The following RYR1 variants were observed in gnomAD, a reference collection of about 807,000 sequenced individuals.
The protein encoded by RYR1 is ryanodine receptor 1, also known as central core disease of muscle.
Under a neutral mutation model 583.5 loss-of-function variants are expected in RYR1, and 342 were observed. The observed-to-expected ratio is 0.59, with a 90% CI of 0.54 to 0.64. The LOEUF (loss-of-function observed/expected upper bound fraction) is 0.64. Ranked by LOEUF, RYR1 falls within the 30% of genes least tolerant of loss-of-function variation. The pLI is 0.00. For missense variants in RYR1, 6,032 were observed against 6,917.2 expected (o/e 0.87, Z 4.54); for synonymous variants, 2,791 against 2,822.5 (o/e 0.99, Z 0.35).
Position 38,582,881 on chromosome 19 carries a change from CCTGACAT to C in RYR1, c.14647-2057_14647-2051del, listed in dbSNP as rs1417889871. On this transcript the variant is annotated intron_variant, in intron 101 of 105. Coordinates refer to ENST00000359596, the MANE Select transcript of RYR1 (RefSeq NM_000540.3). Reference sequence around the variant, plus strand: ...CTCAGGACAAAGTCCAGCTCCTCAACCTGACATCTGAGGCTCTTCCAGACACGGCCTC... The same window carrying C: ...CTCAGGACAAAGTCCAGCTCCTCAACCTGAGGCTCTTCCAGACACGGCCTC... 2.0e-5 allele frequency among the ~76,000 whole-genome samples: 3 copies of C among 152,292 alleles called. No individual in the cohort carries two copies. In the East Asian group the frequency reaches 5.8e-4, roughly 29 times the overall value.
chr19:38,448,543 T>C lies in RYR1; in HGVS notation c.957+32T>C, dbSNP rs755711129. Reference sequence around the variant, plus strand: ...GGGGTTTGTGGCGCCCTCCCTCACCTGAAGCCCCCAGTCCCAGCCCAGCCT... The same window carrying C: ...GGGGTTTGTGGCGCCCTCCCTCACCCGAAGCCCCCAGTCCCAGCCCAGCCT... On this transcript the variant is annotated intron_variant, in intron 10 of 105. Coordinates refer to ENST00000359596, the MANE Select transcript of RYR1 (RefSeq NM_000540.3). 4 of 1,614,010 alleles carry C rather than the reference T, an allele frequency of 2.5e-6. No individual in the cohort carries two copies. In the East Asian group the frequency reaches 6.7e-5, roughly 27 times the overall value.
In RYR1 at chr19:38,444,230, T is replaced by C; in HGVS notation, c.506T>C (p.Ile169Thr). Reference protein sequence around the residue: ...GEKVRVGDDIILVSVSSERYL... With the variant: ...GEKVRVGDDITLVSVSSERYL... ...AAGGTCCGCGTTGGGGATGACATCA[T>C]CCTTGTCAGTGTCTCCTCCGAGCGC... The change falls in exon 6 of 106, where the codon ATC becomes ACC. Residue 169 changes from isoleucine to threonine, a missense_variant. By Grantham distance (89) the Ile-to-Thr change is moderately conservative. This residue lies in a region of RYR1 where 338 missense variants were observed against 441.6 expected (regional missense o/e 0.77). Coordinates refer to ENST00000359596, the MANE Select transcript of RYR1 (RefSeq NM_000540.3). The surrounding 1 kb of genome is among the most constrained non-coding windows in gnomAD (Gnocchi z 5.1). The C allele has an allele frequency of 6.2e-7, 1 of 1,614,022 alleles. No homozygotes were observed. The highest frequency in any genetic ancestry group is 8.5e-7 in the Non-Finnish European group (1 of 1,179,958).
At chr19:38,513,037 G>A (rs1218335366) in intron 63 of RYR1, among the ~76,000 whole-genome samples, 5 of 151,536 alleles carry the variant, frequency 3.3e-5, no homozygotes, top group African/African-American at 9.7e-5. Flanking sequence ...ATTGATAAAG[G>A]TTAGGAAAAG....
chr19:38,521,505 C>G (rs1323591178), intron 67 of RYR1, among the ~76,000 whole-genome samples: 1 of 151,372 alleles, frequency 6.6e-6, no homozygotes, highest in Non-Finnish European at 1.5e-5. Context: ...GGGCAACATG[C>G]AAAAACCCTG....
chr19:38,528,723 G>A (rs1251701329), intron 75 of RYR1, 28 bp downstream of exon 75: 3 of 1,610,898 alleles, frequency 1.9e-6, no homozygotes, highest in Non-Finnish European at 2.5e-6. Context: ...TGGGGGAGTG[G>A]GGGGCGAGCT....
chr19:38,448,222 T>C, intron 9 of RYR1, 133 bp from the exon 10 acceptor site: 1 of 1,016,114 alleles, frequency 9.8e-7, no homozygotes, highest in Non-Finnish European at 1.4e-6. Context: ...GCTTGAGCCC[T>C]GGAGTTCAAG....
intron 34 of RYR1, 31 bp downstream of exon 34, chr19:38,486,233 C>T (rs746050949): frequency 2.5e-6 from 4 of 1,612,444 alleles, no homozygotes; most frequent in Non-Finnish European, 3.4e-6. Context: ...TCCTCTGTCC[C>T]ATTCTTCTCC....
In RYR1 at chr19:38,485,956, C is replaced by T. The variant is rs1315366741; in HGVS notation, c.5301C>T (p.Val1767=). ...GGCATGGCCTGCCGGGAGTTGGAGT[C>T]ACCACTTCGCTGAGGCCCCCGCATC... ...HPRHGLPGVG[V]TTSLRPPHHF... is the part of the protein sequence containing the mutation. The change falls in exon 34 of 106, where the codon GTC becomes GTT. Residue 1767 remains valine, a synonymous_variant. Transcript: ENST00000359596. 7 of 1,613,726 alleles carry T rather than the reference C, an allele frequency of 4.3e-6. No individual in the cohort carries two copies. The South Asian group carries it at 7.7e-5, about 18-fold the overall frequency.
intron 64 of RYR1, among the ~76,000 whole-genome samples, chr19:38,515,720 G>C (rs535573576): frequency 2.4e-4 from 36 of 152,114 alleles, no homozygotes; most frequent in Non-Finnish European, 4.1e-4. Flanking sequence ...CTGAGATGGG[G>C]GGATCGCTTG....
chr19:38,536,002 T>C lies in RYR1; in HGVS notation c.11522T>C (p.Leu3841Pro). 6.2e-7 allele frequency: 1 copy of C among 1,613,808 alleles called. No homozygotes were observed. The highest frequency in any genetic ancestry group is 8.5e-7 in the Non-Finnish European group (1 of 1,179,942). ...CTTTCCTTTCTTTTCCTCAGCGTCCTGGATCTCAATGCCTTTGAGAGACAG... is the reference window on the plus strand; with the variant it reads ...CTTTCCTTTCTTTTCCTCAGCGTCCCGGATCTCAATGCCTTTGAGAGACAG... ...IQALMQTCSV[L>P]DLNAFERQNK... The change falls in exon 82 of 106, where the codon CTG (leucine) becomes CCG (proline). Residue 3841 changes from leucine (L) to proline (P), a missense_variant. Transcript: ENST00000359596.
chr19:38,572,157 G>A lies in RYR1; in HGVS notation c.13885G>A (p.Val4629Met), dbSNP rs752668333. 1.2e-6 allele frequency: 2 copies of A among 1,614,190 alleles called. No homozygotes were observed. The highest frequency in any genetic ancestry group is 8.5e-7 in the Non-Finnish European group (1 of 1,180,032). The change falls in exon 95 of 106, where the codon GTG (valine) becomes ATG (methionine). Residue 4629 changes from valine (V) to methionine (M), a missense_variant. Coordinates refer to ENST00000359596, the MANE Select transcript of RYR1 (RefSeq NM_000540.3). ...EAEGDEDENM[V>M]YYFLEESTGY... ...AGAGGGCGATGAGGATGAGAACATGGTGTACTACTTCCTGGAGGAAAGCAC... is the reference window on the plus strand; with the variant it reads ...AGAGGGCGATGAGGATGAGAACATGATGTACTACTTCCTGGAGGAAAGCAC...
At position 38,433,753 on chromosome 19, in the gene RYR1, C is replaced by A; in HGVS notation, c.-77C>A. The stretch of plus-strand genomic sequence containing the variant: ...CAGAGGTCTCCGACCCCAGCCCGCC[C>A]CCAGCCCTCCCGCCCAGCCCGCAGC... On this transcript the variant is annotated 5_prime_UTR_variant, in exon 1 of 106. Coordinates refer to ENST00000359596, the MANE Select transcript of RYR1 (RefSeq NM_000540.3). 2 of 708,278 alleles carry A rather than the reference C, an allele frequency of 2.8e-6. No individual in the cohort carries two copies. The highest frequency in any genetic ancestry group is 2.7e-5 in the East Asian group (1 of 37,528). The allele number at this position is 708,278 out of a possible 1,614,324, so 43.9% of individuals were successfully genotyped here.
In RYR1 at chr19:38,512,574, A is replaced by T. The variant is rs1970780761; in HGVS notation, c.9472+91A>T. The stretch of plus-strand genomic sequence containing the variant: ...GCCTGTGAGAGTCCCTGGGTGTTTG[A>T]ATGTGTGGATTTCTTGCTGTAAGCA... On this transcript the variant is annotated intron_variant, in intron 63 of 105. Coordinates refer to ENST00000359596, the MANE Select transcript of RYR1 (RefSeq NM_000540.3). This position sits in a 1 kb window ranked among gnomAD's most constrained non-coding sequence, Gnocchi z 5.1. The T allele has an allele frequency of 5.7e-6, 7 of 1,229,704 alleles. No homozygotes were observed. In the South Asian group the frequency reaches 8.5e-5, roughly 15 times the overall value. The allele number at this position is 1,229,704 out of a possible 1,614,324, so 76.2% of individuals were successfully genotyped here.
At chr19:38,554,620 A>C (rs1972805816) in intron 89 of RYR1, among the ~76,000 whole-genome samples, 1 of 151,682 alleles carries the variant, frequency 6.6e-6, no homozygotes, top group Non-Finnish European at 1.5e-5. Context: ...ATCACATTTT[A>C]TTTATTTATT....
chr19:38,536,683 G>C, intron 82 of RYR1, 67 bp from the exon 83 acceptor site: 4 of 1,576,042 alleles, frequency 2.5e-6, no homozygotes, highest in Admixed American at 1.7e-5. Context: ...GTGTGTTTGC[G>C]GTCTGTCTCC....
At chr19:38,506,228 G>A in intron 54 of RYR1, 75 bp from the exon 55 acceptor site, 1 of 1,482,802 alleles carries the variant, frequency 6.7e-7, no homozygotes, top group Non-Finnish European at 9.4e-7. Context: ...TGGACTAGTG[G>A]GGCCTGGGGA....
intron 29 of RYR1, among the ~76,000 whole-genome samples, chr19:38,475,651 C>T (rs950917625): frequency 3.3e-5 from 5 of 152,306 alleles, no homozygotes; most frequent in African/African-American, 7.2e-5. Context: ...GGCCCACAAA[C>T]GGCAGGGAGT....
In RYR1 at chr19:38,573,304, C is replaced by T. The variant is rs118192140; in HGVS notation, c.14126C>T (p.Thr4709Met). ...CAGTGGGACCGACTGGTGCTCAACA[C>T]GCCGTAAGGACCCAGCCCCCACCTC... ...KGQWDRLVLN[T>M]PSFPSNYWDK... Residue 4709 changes from threonine (T) to methionine (M), a missense_variant, in exon 96 of 106, where the codon ACG (threonine) becomes ATG (methionine). Around this residue, in one of 11 missense-constraint regions of RYR1, gnomAD observed 188 missense variants for 215.6 expected, o/e 0.87. Coordinates refer to ENST00000359596, the MANE Select transcript of RYR1 (RefSeq NM_000540.3). 2.7e-5 allele frequency: 43 copies of T among 1,613,192 alleles called. No homozygotes were observed. Among genetic ancestry groups the T allele is most frequent in the South Asian group, 3.3e-5 (3 of 91,046 alleles).
In RYR1 at chr19:38,469,306, C is replaced by A; in HGVS notation, c.3558C>A (p.Gly1186=). 6.2e-7 allele frequency: 1 copy of A among 1,613,888 alleles called. No homozygotes were observed. The highest frequency in any genetic ancestry group is 8.5e-7 in the Non-Finnish European group (1 of 1,180,022). ...TGCCCATCCATCCCCTCCCACCAGG[C>A]TTCCTGCCCGTCTGCAGCTTGGGAC... ...TAFREIEIGD[G]FLPVCSLGPG... is the part of the protein sequence containing the mutation. Residue 1186 remains glycine, a splice_region_variant and synonymous_variant, in exon 27 of 106, where the codon GGC becomes GGA. Coordinates refer to ENST00000359596, the MANE Select transcript of RYR1 (RefSeq NM_000540.3).
Sources: gnomAD v4.1 joint callset for allele counts (sites outside exome capture counted in the v4.1 genomes callset) on GRCh38, gnomAD v4.1.1 for gene constraint, gnomAD v4.1.1 regional missense constraint, Gnocchi (gnomAD v3.1) non-coding constraint, MANE v1.5 for transcripts, NCBI Gene and HGNC (gene_info 2026-07-23, HGNC 2026-07-21) for gene names.